The following TAF4B variants were observed in gnomAD, a reference collection of about 807,000 sequenced individuals.
TAF4B encodes the protein TATA-box binding protein associated factor 4b, also known as transcription initiation factor TFIID subunit 4B.
In TAF4B, 38 loss-of-function variants were observed where a neutral mutation model predicts 86.4. The observed-to-expected ratio is 0.44, with a 90% CI of 0.34 to 0.58. The LOEUF is 0.58. TAF4B is among the 20% of genes least tolerant of loss of function. The probability of loss-of-function intolerance (pLI) is 0.02; values close to 1 mark genes in which losing one functional copy is unlikely to be tolerated. For synonymous variants in TAF4B, 388 were observed against 391.2 expected (o/e 0.99, Z 0.10); for missense variants, 988 against 1,027.6 (o/e 0.96, Z 0.53).
intron 14 of TAF4B, among the ~76,000 whole-genome samples, chr18:26,388,861 G>A (rs1978533324): frequency 6.6e-6 from 1 of 152,040 alleles, no homozygotes; most frequent in South Asian, 2.1e-4. Flanking sequence ...TGTTGCCCAG[G>A]CAGGAATGCA....
chr18:26,244,857 CAGGATAGAT>C (rs1240171940), intron 1 of TAF4B, among the ~76,000 whole-genome samples: 2 of 152,146 alleles, frequency 1.3e-5, no homozygotes, highest in African/African-American at 4.8e-5. Flanking sequence ...AGGCAAGTTT[CAGGATAGAT>C]AGGATAGATG....
intron 11 of TAF4B, among the ~76,000 whole-genome samples, chr18:26,325,820 CTT>C (rs1374252193): frequency 6.6e-6 from 1 of 152,056 alleles, no homozygotes; most frequent in Non-Finnish European, 1.5e-5. Flanking sequence ...GTTGAGAATT[CTT>C]TTTGTATTAA....
At position 26,321,210 on chromosome 18, in the gene TAF4B, A is replaced by G. The variant is rs1011909119; in HGVS notation, c.2133+10A>G. The G allele has an allele frequency of 2.0e-5, 32 of 1,613,254 alleles. No homozygotes were observed. The highest frequency in any genetic ancestry group is 2.5e-5 in the Non-Finnish European group (30 of 1,179,572). On this transcript the variant is annotated intron_variant, in intron 11 of 14. Coordinates refer to ENST00000269142, the MANE Select transcript of TAF4B (RefSeq NM_005640.3). ...AATGACTACTTACAAGGTAAAGGAA[A>G]TCATTAAAGAAGTATAAACTCTCGA...
Position 26,274,743 on chromosome 18 carries a change from T to A in TAF4B, c.678T>A (p.Ser226Arg). 1 of 1,614,146 alleles carries A rather than the reference T, an allele frequency of 6.2e-7. No individual in the cohort carries two copies. Among genetic ancestry groups the A allele is most frequent in the East Asian group, 2.2e-5 (1 of 44,878 alleles). ...CTGTAACTACCCTGAAGCCTTCAAGTTTGGGAGCATCATCCACTCCTTCAA... is the reference window on the plus strand; with the variant it reads ...CTGTAACTACCCTGAAGCCTTCAAGATTGGGAGCATCATCCACTCCTTCAA... ...LNTVTTLKPS[S>R]LGASSTPSNE... Residue 226 changes from serine to arginine, a missense_variant, in exon 4 of 15, where the codon AGT becomes AGA. This residue lies in a region of TAF4B where 747 missense variants were observed against 737.9 expected (regional missense o/e 1.01). Transcript: ENST00000269142.
At chr18:26,321,233 C>T (rs1208926488) in intron 11 of TAF4B, 33 bp downstream of exon 11, 16 of 1,611,360 alleles carry the variant, frequency 9.9e-6, no homozygotes, top group African/African-American at 9.3e-5. Context: ...TATAAACTCT[C>T]GAGTGTTATA....
In TAF4B at chr18:26,304,220, C is replaced by A. The variant is rs185593671; in HGVS notation, c.1832+10689C>A. Among the ~76,000 whole-genome samples, 299 of 108,008 alleles carry A rather than the reference C, an allele frequency of 2.8e-3. 1 individual carries two copies. The highest frequency in any genetic ancestry group is 0.01 in the African/African-American group (291 of 28,936). 70.9% of individuals were successfully genotyped at this position (108,008 alleles called of 152,430 possible). On this transcript the variant is annotated intron_variant, in intron 9 of 14. Transcript: ENST00000269142. Reference sequence around the variant, plus strand: ...TGTTATTCCATTGTTTTTGGGTGTTCATATAAAATATATGTTCACATTTAA... The same window carrying A: ...TGTTATTCCATTGTTTTTGGGTGTTAATATAAAATATATGTTCACATTTAA...
intron 12 of TAF4B, among the ~76,000 whole-genome samples, chr18:26,328,033 A>G (rs968733981): frequency 2.0e-5 from 3 of 152,248 alleles, no homozygotes; most frequent in African/African-American, 7.2e-5. Context: ...GAAATCTTAA[A>G]GGCTGAGCAC....
intron 1 of TAF4B, among the ~76,000 whole-genome samples, chr18:26,229,596 G>A (rs2055632785): frequency 2.7e-5 from 4 of 150,352 alleles, no homozygotes; most frequent in African/African-American, 9.8e-5. Context: ...TCCGCCTCCC[G>A]GGTTCAAGCA....
At chr18:26,251,732 A>G (rs1385309287) in intron 1 of TAF4B, among the ~76,000 whole-genome samples, 2 of 152,228 alleles carry the variant, frequency 1.3e-5, no homozygotes, top group Non-Finnish European at 2.9e-5. Flanking sequence ...TCTTCAGAGA[A>G]GAGACTAACA....
chr18:26,378,322 C>G (rs1276523894), intron 14 of TAF4B, among the ~76,000 whole-genome samples: 1 of 152,152 alleles, frequency 6.6e-6, no homozygotes, highest in Non-Finnish European at 1.5e-5. Context: ...AATTGAGTTA[C>G]CATACTCTAG....
At chr18:26,388,998 G>A (rs1055389545) in intron 14 of TAF4B, among the ~76,000 whole-genome samples, 6 of 151,998 alleles carry the variant, frequency 3.9e-5, no homozygotes, top group African/African-American at 1.5e-4. Context: ...TTTTAGTAGA[G>A]ACGGGGTTTC....
chr18:26,280,030 T>C (rs952701828), intron 5 of TAF4B, among the ~76,000 whole-genome samples: 5 of 126,258 alleles, frequency 4.0e-5, no homozygotes, highest in African/African-American at 1.5e-4. Context: ...GGTGACACAG[T>C]GAGACTCTAT....
intron 1 of TAF4B, among the ~76,000 whole-genome samples, chr18:26,255,161 CT>C (rs967093497): frequency 3.9e-5 from 6 of 151,978 alleles, no homozygotes; most frequent in Admixed American, 3.9e-4. Flanking sequence ...TGAAATTCCC[CT>C]GGTTTCATTC....
At chr18:26,244,558 C>T (rs1251544987) in intron 1 of TAF4B, among the ~76,000 whole-genome samples, 2 of 152,178 alleles carry the variant, frequency 1.3e-5, no homozygotes, top group South Asian at 2.1e-4. Context: ...CTTTGGCTCA[C>T]ACTCCGTGGG....
At chr18:26,327,277 G>A in intron 12 of TAF4B, 137 bp downstream of exon 12, 4 of 1,066,046 alleles carry the variant, frequency 3.8e-6, no homozygotes, top group Non-Finnish European at 5.2e-6. Context: ...ATTACTAATA[G>A]GATGTCTCAC....
chr18:26,238,764 A>C (rs2055789933), intron 1 of TAF4B, among the ~76,000 whole-genome samples: 1 of 151,888 alleles, frequency 6.6e-6, no homozygotes, highest in African/African-American at 2.4e-5. Flanking sequence ...GACAGGCCCC[A>C]GTGTGTGATG....
chr18:26,265,497 GC>G (rs1038338666), intron 2 of TAF4B, among the ~76,000 whole-genome samples, 182 bp downstream of exon 2: 1 of 152,062 alleles, frequency 6.6e-6, no homozygotes. Flanking sequence ...TCTGATAATT[GC>G]CAAAATAGTA....
intron 12 of TAF4B, among the ~76,000 whole-genome samples, 171 bp downstream of exon 12, chr18:26,327,311 C>T (rs2057012192): frequency 6.6e-6 from 1 of 152,048 alleles, no homozygotes; most frequent in Non-Finnish European, 1.5e-5. Flanking sequence ...TGGTGGCTTT[C>T]AGTTAATTTA....
chr18:26,282,592 C>T (rs1164262562), intron 6 of TAF4B, among the ~76,000 whole-genome samples: 1 of 152,116 alleles, frequency 6.6e-6, no homozygotes, highest in African/African-American at 2.4e-5. Flanking sequence ...ATGTTGATGA[C>T]TTTTTGCTGG....
Sources: allele counts gnomAD v4.1 joint callset (sites outside exome capture counted in the v4.1 genomes callset), GRCh38; gene constraint gnomAD v4.1.1; regional missense constraint gnomAD v4.1.1; transcripts MANE v1.5; gene names NCBI Gene and HGNC (gene_info 2026-07-23, HGNC 2026-07-21).